GDI2: variants seen among roughly 807,000 people sequenced by gnomAD.
The protein encoded by GDI2 is GDP dissociation inhibitor 2.
GDI2 carries 22 observed loss-of-function variants against 54.2 expected under a neutral mutation model. The ratio of observed to expected loss-of-function variants is 0.41; its 90% CI spans 0.29 to 0.58. GDI2 has a LOEUF of 0.58. Among genes scored for constraint, GDI2 ranks in the 20% least tolerant of loss-of-function variants. The probability of loss-of-function intolerance (pLI) is 0.35; values close to 1 mark genes in which losing one functional copy is unlikely to be tolerated. For missense variants in GDI2, 422 were observed against 546.0 expected (o/e 0.77, Z 2.26); for synonymous variants, 177 against 182.1 (o/e 0.97, Z 0.23).
chr10:5,812,856 G>C (rs1841505762), intron 1 of GDI2, among the ~76,000 whole-genome samples: 1 of 152,188 alleles, frequency 6.6e-6, no homozygotes, highest in Admixed American at 6.5e-5. Flanking sequence ...TTTCCAACCG[G>C]GCGAGGTCAC....
chr10:5,806,079 A>G (rs553768219), intron 1 of GDI2, among the ~76,000 whole-genome samples: 2 of 152,362 alleles, frequency 1.3e-5, no homozygotes, highest in South Asian at 4.1e-4. Flanking sequence ...GTATAAATAC[A>G]TTCAACTTCA....
intron 6 of GDI2, among the ~76,000 whole-genome samples, chr10:5,779,043 C>T (rs1840690843): frequency 6.6e-6 from 1 of 152,068 alleles, no homozygotes; most frequent in Admixed American, 6.5e-5. Flanking sequence ...GAAACAGATG[C>T]CCAAATGTTA....
chr10:5,780,282 A>G (rs1840725971), intron 6 of GDI2, among the ~76,000 whole-genome samples: 1 of 135,570 alleles, frequency 7.4e-6, no homozygotes, highest in Non-Finnish European at 1.6e-5. Context: ...TTAATGTGAC[A>G]AAACCATCTA....
At chr10:5,785,609 C>T (rs1402401402) in intron 5 of GDI2, among the ~76,000 whole-genome samples, 1 of 152,182 alleles carries the variant, frequency 6.6e-6, no homozygotes, top group Non-Finnish European at 1.5e-5. Flanking sequence ...CTCCTGACCT[C>T]AAATGATCCA....
At chr10:5,807,867 T>G (rs563736707) in intron 1 of GDI2, among the ~76,000 whole-genome samples, 58 of 152,318 alleles carry the variant, frequency 3.8e-4, no homozygotes, top group African/African-American at 1.3e-3. Flanking sequence ...AGAGGCTGAA[T>G]GAAATTTCTA....
intron 6 of GDI2, among the ~76,000 whole-genome samples, chr10:5,779,656 T>C (rs1358080201): frequency 6.7e-6 from 1 of 150,086 alleles, no homozygotes; most frequent in East Asian, 1.9e-4. Context: ...CATTCTCCGA[T>C]ATGAAGCACA....
At chr10:5,805,363 TAAA>T (rs33941987) in intron 1 of GDI2, among the ~76,000 whole-genome samples, 58 of 105,890 alleles carry the variant, frequency 5.5e-4, no homozygotes, top group South Asian at 1.0e-3. Flanking sequence ...ATTTGCTCTT[TAAA>T]AAAAAAAAAA....
chr10:5,805,683 C>T (rs909224226), intron 1 of GDI2, among the ~76,000 whole-genome samples: 6 of 152,212 alleles, frequency 3.9e-5, no homozygotes, highest in African/African-American at 1.4e-4. Context: ...ACCACTGATG[C>T]TGATGAGGTG....
chr10:5,785,941 G>T lies in GDI2; in HGVS notation c.498C>A (p.Thr166=). Residue 166 remains threonine (T), a synonymous_variant, in exon 5 of 11, where the codon ACC becomes ACA. Transcript: ENST00000380191. The part of the protein sequence containing the change: ...RTFEGIDPKK[T]TMRDVYKKFD... Reference sequence around the variant, plus strand: ...ATTTCTTATACACATCTCGCATTGTGGTCTTCTTAGGATCAATGCCTTCAA... The same window carrying T: ...ATTTCTTATACACATCTCGCATTGTTGTCTTCTTAGGATCAATGCCTTCAA... The T allele has an allele frequency of 6.2e-7, 1 of 1,608,460 alleles. No homozygotes were observed. The highest frequency in any genetic ancestry group is 1.1e-5 in the South Asian group (1 of 90,978).
intron 1 of GDI2, among the ~76,000 whole-genome samples, chr10:5,805,288 AAC>A (rs1468323984): frequency 1.3e-5 from 2 of 151,842 alleles, no homozygotes; most frequent in Non-Finnish European, 2.9e-5. Flanking sequence ...AGGGCTTGAA[AAC>A]ACAGACTGCT....
intron 2 of GDI2, among the ~76,000 whole-genome samples, chr10:5,799,295 C>T (rs746595242): frequency 6.6e-6 from 1 of 152,232 alleles, no homozygotes; most frequent in Non-Finnish European, 1.5e-5. Flanking sequence ...TACGATCGCA[C>T]TGCTGCACTT....
intron 7 of GDI2, among the ~76,000 whole-genome samples, chr10:5,771,866 C>A (rs1232304494): frequency 6.6e-6 from 1 of 152,112 alleles, no homozygotes; most frequent in African/African-American, 2.4e-5. Context: ...CCGAGGCAGG[C>A]AGATCACGAG....
At position 5,773,809 on chromosome 10, in the gene GDI2, A is replaced by C. The variant is rs376115445; in HGVS notation, c.819+33T>G. 35 of 887,588 alleles carry C rather than the reference A, an allele frequency of 3.9e-5. No individual in the cohort carries two copies. In the African/African-American group the frequency reaches 5.3e-4, roughly 13 times the overall value. 55.0% of individuals were successfully genotyped at this position (887,588 alleles called of 1,614,324 possible). ...AATACACAACTTTCTTCACAAGAAC[A>C]TAGTAATTTTTTTCATTTTAAAAGC... On this transcript the variant is annotated intron_variant, in intron 7 of 10. Coordinates refer to ENST00000380191, the MANE Select transcript of GDI2 (RefSeq NM_001494.4).
intron 6 of GDI2, among the ~76,000 whole-genome samples, chr10:5,779,169 T>C (rs1047658837): frequency 6.6e-6 from 1 of 152,226 alleles, no homozygotes; most frequent in Non-Finnish European, 1.5e-5. Flanking sequence ...ATAAATATGT[T>C]GTTATAAATG....
chr10:5,778,773 T>TA (rs1203245618), intron 6 of GDI2, among the ~76,000 whole-genome samples: 2 of 152,030 alleles, frequency 1.3e-5, no homozygotes, highest in Non-Finnish European at 2.9e-5. Flanking sequence ...AATTGTGATT[T>TA]AAAACAAATC....
Position 5,766,108 on chromosome 10 carries a change from T to C in GDI2, c.1236A>G (p.Thr412=). The change falls in exon 11 of 11, where the codon ACA becomes ACG. Residue 412 remains threonine (T), a synonymous_variant. Transcript: ENST00000380191. The surrounding 1 kb of genome is among the most constrained non-coding windows in gnomAD (Gnocchi z 5.8). ...AGATGTTTTTAATGTCATCACACGT[T>C]GTCTCAAAATGAGTGGTGGCATCAT... ...RTYDATTHFE[T]TCDDIKNIYK... 1 of 1,612,758 alleles carries C rather than the reference T, an allele frequency of 6.2e-7. No homozygotes were observed. The highest frequency in any genetic ancestry group is 8.5e-7 in the Non-Finnish European group (1 of 1,179,148).
At chr10:5,783,973 G>C (rs896068731) in intron 6 of GDI2, among the ~76,000 whole-genome samples, 1 of 152,122 alleles carries the variant, frequency 6.6e-6, no homozygotes, top group Non-Finnish European at 1.5e-5. Flanking sequence ...CTTGTATTTG[G>C]ATGTCTAGAT....
At chr10:5,791,071 T>C (rs1373761156) in intron 4 of GDI2, among the ~76,000 whole-genome samples, 1 of 152,190 alleles carries the variant, frequency 6.6e-6, no homozygotes, top group Admixed American at 6.5e-5. Context: ...GAGAGGTAAC[T>C]GCTTGAGTCC....
rs988438423 is a variant in GDI2 at position 5,774,139 on chromosome 10, A to G, written c.720-198T>C. Among the ~76,000 whole-genome samples, 1 of 151,810 alleles carries G rather than the reference A, an allele frequency of 6.6e-6. No individual in the cohort carries two copies. Among genetic ancestry groups the G allele is most frequent in the Non-Finnish European group, 1.5e-5 (1 of 67,904 alleles). Reference sequence around the variant, plus strand: ...AATCAGTTATAAATACGAAGTCAAAAAAAATCACTAACCAGGCACTTGTCT... The same window carrying G: ...AATCAGTTATAAATACGAAGTCAAAGAAAATCACTAACCAGGCACTTGTCT... On this transcript the variant is annotated intron_variant, in intron 6 of 10. Coordinates refer to ENST00000380191, the MANE Select transcript of GDI2 (RefSeq NM_001494.4). The surrounding 1 kb of genome is among the most constrained non-coding windows in gnomAD (Gnocchi z 4.8).
Sources: allele counts gnomAD v4.1 joint callset (sites outside exome capture counted in the v4.1 genomes callset), GRCh38; gene constraint gnomAD v4.1.1; non-coding constraint Gnocchi (gnomAD v3.1); transcripts MANE v1.5; gene names NCBI Gene and HGNC (gene_info 2026-07-23, HGNC 2026-07-21).